Variants in ZNRF3 observed in about 807,000 individuals in gnomAD.
ZNRF3 encodes the protein E3 ubiquitin-protein ligase ZNRF3.
In ZNRF3, 23 loss-of-function variants were observed where a neutral mutation model predicts 72.5. The observed-to-expected ratio is 0.32, with a 90% CI of 0.23 to 0.45. ZNRF3 has a LOEUF of 0.45. Among genes scored for constraint, ZNRF3 ranks in the 20% least tolerant of loss-of-function variants. The pLI is 1.00. For synonymous variants in ZNRF3, 610 were observed against 545.3 expected (o/e 1.12, Z -1.65); for missense variants, 1,169 against 1,272.1 (o/e 0.92, Z 1.23).
At chr22:28,988,704 A>G (rs1192103031) in intron 2 of ZNRF3, among the ~76,000 whole-genome samples, 1 of 152,208 alleles carries the variant, frequency 6.6e-6, no homozygotes, top group African/African-American at 2.4e-5. Context: ...GAGAAATGCC[A>G]GCTACATCTA....
intron 2 of ZNRF3, among the ~76,000 whole-genome samples, chr22:28,991,798 T>C (rs2035958092): frequency 6.6e-6 from 1 of 152,054 alleles, no homozygotes; most frequent in South Asian, 2.1e-4. Context: ...TTCATCAATG[T>C]TGGTTTCTTC....
chr22:28,953,565 C>A (rs533196481), intron 1 of ZNRF3, among the ~76,000 whole-genome samples: 1 of 152,316 alleles, frequency 6.6e-6, no homozygotes, highest in African/African-American at 2.4e-5. Context: ...GAGTAAAGAA[C>A]ATGAAAGGGA....
intron 2 of ZNRF3, among the ~76,000 whole-genome samples, chr22:29,035,853 T>A (rs1342462557): frequency 1.3e-5 from 2 of 152,144 alleles, no homozygotes; most frequent in Non-Finnish European, 2.9e-5. Context: ...GTGCTCGGAT[T>A]ACAGGTGTGA....
chr22:28,937,762 C>T (rs1360930106), intron 1 of ZNRF3, among the ~76,000 whole-genome samples: 1 of 152,156 alleles, frequency 6.6e-6, no homozygotes, highest in Non-Finnish European at 1.5e-5. Flanking sequence ...CGGGAGAGAA[C>T]CACTGTTAAC....
At chr22:28,980,543 T>C (rs16986912) in intron 1 of ZNRF3, among the ~76,000 whole-genome samples, 4,510 of 152,262 alleles carry the variant, frequency 0.03, 116 homozygotes, top group African/African-American at 0.075. Context: ...CACAGTTTCA[T>C]AATAATGTCA....
chr22:28,931,669 C>A (rs2034709908), intron 1 of ZNRF3, among the ~76,000 whole-genome samples: 1 of 152,168 alleles, frequency 6.6e-6, no homozygotes, highest in South Asian at 2.1e-4. Flanking sequence ...ATCTGTCCAC[C>A]TACCCATCCG....
At chr22:28,912,666 T>C (rs572162059) in intron 1 of ZNRF3, among the ~76,000 whole-genome samples, 3,327 of 140,454 alleles carry the variant, frequency 0.024, 85 homozygotes, top group African/African-American at 0.058. Context: ...TTCTTTCTTT[T>C]TTTTTTTTTT....
At chr22:28,963,477 GA>G (rs371689274) in intron 1 of ZNRF3, among the ~76,000 whole-genome samples, 12 of 152,116 alleles carry the variant, frequency 7.9e-5, no homozygotes, top group African/African-American at 1.4e-4. Context: ...GGTAGGGAGG[GA>G]AAAAAACCAC....
In ZNRF3 at chr22:28,975,495, G is replaced by A. The variant is rs369975610; in HGVS notation, c.301-11581G>A. On this transcript the variant is annotated intron_variant, in intron 1 of 8. Coordinates refer to ENST00000544604, the MANE Select transcript of ZNRF3 (RefSeq NM_001206998.2). Reference sequence around the variant, plus strand: ...TGCACTCCAGCCTGGGAGACAGAGCGATACTCTGTCTCAAAAAAAAAAAAA... The same window carrying A: ...TGCACTCCAGCCTGGGAGACAGAGCAATACTCTGTCTCAAAAAAAAAAAAA... Among the ~76,000 whole-genome samples, 402 of 107,642 alleles carry A rather than the reference G, an allele frequency of 3.7e-3. 1 individual carries two copies. The highest frequency in any genetic ancestry group is 0.031 in the Middle Eastern group (3 of 96). The allele number at this position is 107,642 out of a possible 152,430, so 70.6% of individuals were successfully genotyped here.
rs759933624 is a variant in ZNRF3 at position 29,049,432 on chromosome 22, C to T, written c.1251C>T (p.Arg417=). Residue 417 remains arginine (R), a synonymous_variant, in exon 8 of 9, where the codon CGC becomes CGT. Transcript: ENST00000544604. The surrounding 1 kb of genome is among the most constrained non-coding windows in gnomAD (Gnocchi z 5.2). ...LYSPQTPAYI[R]SYPPLHLDHS... Reference sequence around the variant, plus strand: ...CCCCGCAGACCCCCGCCTACATCCGCAGCTACCCACCCCTCCACCTGGACC... The same window carrying T: ...CCCCGCAGACCCCCGCCTACATCCGTAGCTACCCACCCCTCCACCTGGACC... The T allele has an allele frequency of 6.2e-7, 1 of 1,606,448 alleles. No homozygotes were observed. Among genetic ancestry groups the T allele is most frequent in the Admixed American group, 1.7e-5 (1 of 59,934 alleles).
intron 1 of ZNRF3, among the ~76,000 whole-genome samples, chr22:28,953,699 A>T (rs1195165293): frequency 1.3e-5 from 2 of 152,246 alleles, no homozygotes; most frequent in Non-Finnish European, 2.9e-5. Context: ...TTAGGCATCA[A>T]TCATTAATCA....
At chr22:29,026,147 C>T (rs188497600) in intron 2 of ZNRF3, 3 of 152,308 alleles carry the variant, frequency 2.0e-5, no homozygotes, top group African/African-American at 7.2e-5. Context: ...AGCCTTCATT[C>T]TGTTAGCCTA....
At chr22:28,949,990 G>C (rs548135387) in intron 1 of ZNRF3, among the ~76,000 whole-genome samples, 2 of 152,122 alleles carry the variant, frequency 1.3e-5, no homozygotes, top group South Asian at 4.1e-4. Flanking sequence ...CAAGGGTTGA[G>C]ATTTAATAAA....
Position 29,050,881 on chromosome 22 carries a change from C to T in ZNRF3, c.2700C>T (p.Val900=). 1 of 1,588,134 alleles carries T rather than the reference C, an allele frequency of 6.3e-7. No homozygotes were observed. Among genetic ancestry groups the T allele is most frequent in the Non-Finnish European group, 8.5e-7 (1 of 1,173,264 alleles). Residue 900 remains valine, a synonymous_variant, in exon 8 of 9, where the codon GTC becomes GTT. Coordinates refer to ENST00000544604, the MANE Select transcript of ZNRF3 (RefSeq NM_001206998.2). ...PGCPPEEAGA[V]RANFPSALQD... is the part of the protein sequence containing the mutation. Reference sequence around the variant, plus strand: ...GCCCTCCGGAGGAGGCGGGTGCTGTCAGGGCCAACTTCCCTAGTGCCCTCC... The same window carrying T: ...GCCCTCCGGAGGAGGCGGGTGCTGTTAGGGCCAACTTCCCTAGTGCCCTCC...
intron 1 of ZNRF3, among the ~76,000 whole-genome samples, chr22:28,901,662 A>C (rs1165919106): frequency 7.5e-6 from 1 of 133,238 alleles, no homozygotes; most frequent in Non-Finnish European, 1.6e-5. Context: ...TTTTTGAGAC[A>C]GAGTCTTGCT....
chr22:29,031,686 C>G, intron 2 of ZNRF3: 1 of 956,694 alleles, frequency 1.0e-6, no homozygotes, highest in Non-Finnish European at 1.2e-6. Context: ...TAACAGGACT[C>G]AAAGAGCCTG....
intron 2 of ZNRF3, among the ~76,000 whole-genome samples, chr22:29,006,192 CAAGGTTCT>C (rs2036239815): frequency 6.8e-6 from 1 of 146,990 alleles, no homozygotes; most frequent in South Asian, 2.2e-4. Context: ...TACCAGTGAT[CAAGGTTCT>C]TATCATCCGT....
intron 8 of ZNRF3, among the ~76,000 whole-genome samples, chr22:29,051,150 C>T (rs1250674005): frequency 2.6e-5 from 4 of 152,304 alleles, no homozygotes; most frequent in Admixed American, 2.0e-4. Context: ...TCCATGATCT[C>T]GGGATCTCTC....
At chr22:28,906,477 C>G (rs978883526) in intron 1 of ZNRF3, among the ~76,000 whole-genome samples, 3 of 152,218 alleles carry the variant, frequency 2.0e-5, no homozygotes, top group African/African-American at 7.2e-5. Context: ...AGCCCTGCTA[C>G]TGACAGCTCT....
Sources: allele counts gnomAD v4.1 joint callset (sites outside exome capture counted in the v4.1 genomes callset), GRCh38; gene constraint gnomAD v4.1.1; non-coding constraint Gnocchi (gnomAD v3.1); transcripts MANE v1.5; gene names NCBI Gene and HGNC (gene_info 2026-07-23, HGNC 2026-07-21).